The following NTM variants were observed in gnomAD, a reference collection of about 807,000 sequenced individuals.
NTM encodes the protein IgLON family member 2.
Under a neutral mutation model 42.1 loss-of-function variants are expected in NTM, and 13 were observed. The ratio of observed to expected loss-of-function variants is 0.31; its 90% CI spans 0.20 to 0.49. NTM has a LOEUF of 0.49. Ranked by LOEUF, NTM falls within the 20% of genes least tolerant of loss-of-function variation. The pLI is 0.99. For synonymous variants in NTM, 187 were observed against 179.2 expected (o/e 1.04, Z -0.35); for missense variants, 373 against 452.8 (o/e 0.82, Z 1.60).
intron 1 of NTM, among the ~76,000 whole-genome samples, chr11:131,855,787 T>C (rs2046033890): frequency 6.6e-6 from 1 of 152,170 alleles, no homozygotes; most frequent in African/African-American, 2.4e-5. Context: ...CTAGGAGGTC[T>C]TTAAGCTCCC....
chr11:132,158,597 G>T (rs1224364502), intron 3 of NTM, among the ~76,000 whole-genome samples: 6 of 152,162 alleles, frequency 3.9e-5, no homozygotes, highest in Admixed American at 3.9e-4. Context: ...AACAGGGTCT[G>T]GTGCATAGTA....
chr11:131,895,760 G>A (rs2052169163), intron 1 of NTM, among the ~76,000 whole-genome samples: 1 of 152,004 alleles, frequency 6.6e-6, no homozygotes. Context: ...AGAGAGGCAT[G>A]GGAAGCATTG....
At chr11:131,931,723 C>A (rs780870248) in intron 2 of NTM, among the ~76,000 whole-genome samples, 1 of 152,080 alleles carries the variant, frequency 6.6e-6, no homozygotes, top group Non-Finnish European at 1.5e-5. Context: ...CACTGCTGGT[C>A]TAGAAGGCCA....
intron 1 of NTM, among the ~76,000 whole-genome samples, chr11:131,619,712 T>G (rs2062325698): frequency 6.6e-6 from 1 of 152,082 alleles, no homozygotes; most frequent in African/African-American, 2.4e-5. Flanking sequence ...AACATTAGAT[T>G]TTATGAAGAG....
At chr11:131,849,049 C>T (rs142957498) in intron 1 of NTM, among the ~76,000 whole-genome samples, 88 of 152,226 alleles carry the variant, frequency 5.8e-4, no homozygotes, top group African/African-American at 1.9e-3. Flanking sequence ...CTAATAATGA[C>T]GTGAGGCTAA....
chr11:131,589,588 T>G (rs1312427858), intron 1 of NTM, among the ~76,000 whole-genome samples: 1 of 152,182 alleles, frequency 6.6e-6, no homozygotes, highest in Non-Finnish European at 1.5e-5. Flanking sequence ...TAACCCCAAA[T>G]CATTATTTGT....
intron 1 of NTM, among the ~76,000 whole-genome samples, chr11:131,396,019 G>A (rs1565459959): frequency 6.6e-6 from 1 of 152,184 alleles, no homozygotes; most frequent in African/African-American, 2.4e-5. Flanking sequence ...TCCTAGAGGT[G>A]AGGGGGCAGA....
At chr11:131,668,146 C>G (rs755708313) in intron 1 of NTM, among the ~76,000 whole-genome samples, 1 of 152,150 alleles carries the variant, frequency 6.6e-6, no homozygotes, top group Non-Finnish European at 1.5e-5. Flanking sequence ...CAATGGAACA[C>G]GAGCCTGGGC....
chr11:132,092,909 C>G (rs2060533952), intron 2 of NTM, among the ~76,000 whole-genome samples: 1 of 152,186 alleles, frequency 6.6e-6, no homozygotes, highest in Non-Finnish European at 1.5e-5. Flanking sequence ...TTGGATAACT[C>G]AAGCTGCCTG....
At chr11:131,967,055 G>C (rs1283754218) in intron 2 of NTM, among the ~76,000 whole-genome samples, 1 of 152,148 alleles carries the variant, frequency 6.6e-6, no homozygotes, top group Non-Finnish European at 1.5e-5. Context: ...CTATGATGTG[G>C]GCAAAGCAAG....
chr11:132,126,169 A>C (rs1371641907), intron 2 of NTM, among the ~76,000 whole-genome samples: 2 of 152,150 alleles, frequency 1.3e-5, no homozygotes, highest in Admixed American at 1.3e-4. Context: ...TCCTTAGTCC[A>C]TCAATTCTTT....
At chr11:131,379,058 A>T (rs1028882951) in intron 1 of NTM, among the ~76,000 whole-genome samples, 5 of 152,172 alleles carry the variant, frequency 3.3e-5, no homozygotes, top group African/African-American at 1.2e-4. Context: ...CTACTGGCAG[A>T]TTTGTGCCAA....
intron 1 of NTM, among the ~76,000 whole-genome samples, chr11:131,783,088 C>G (rs11222793): frequency 6.6e-6 from 1 of 152,068 alleles, no homozygotes; most frequent in Non-Finnish European, 1.5e-5. Context: ...AAATTCAAAG[C>G]AATCTACAGA....
intron 1 of NTM, among the ~76,000 whole-genome samples, chr11:131,516,806 GTC>G (rs1167962567): frequency 2.6e-5 from 4 of 152,184 alleles, no homozygotes; most frequent in African/African-American, 9.7e-5. Flanking sequence ...TCGTTTCTTT[GTC>G]TCTGTCTCTC....
intron 1 of NTM, among the ~76,000 whole-genome samples, chr11:131,379,121 C>T (rs1942332952): frequency 6.6e-6 from 1 of 152,216 alleles, no homozygotes; most frequent in African/African-American, 2.4e-5. Flanking sequence ...AGTGTTCATA[C>T]TGCTGTGCCA....
chr11:131,536,126 G>C (rs1185254766), intron 1 of NTM: 1 of 152,202 alleles, frequency 6.6e-6, no homozygotes, highest in Non-Finnish European at 1.5e-5. Context: ...ATGGGTACTT[G>C]CACCCCAACA....
chr11:131,814,528 A>C (rs1414758339), intron 1 of NTM, among the ~76,000 whole-genome samples: 1 of 151,630 alleles, frequency 6.6e-6, no homozygotes, highest in East Asian at 1.9e-4. Flanking sequence ...CCTCAACTGT[A>C]CTCCCTGCTT....
chr11:131,408,045 A>C (rs949321844), intron 1 of NTM, among the ~76,000 whole-genome samples: 1 of 152,184 alleles, frequency 6.6e-6, no homozygotes, highest in Non-Finnish European at 1.5e-5. Context: ...TTTAGGTTTA[A>C]GGGGAAGTGT....
At chr11:131,892,998 A>G (rs2051620055) in intron 1 of NTM, among the ~76,000 whole-genome samples, 1 of 152,126 alleles carries the variant, frequency 6.6e-6, no homozygotes, top group Non-Finnish European at 1.5e-5. Flanking sequence ...GTCACTTTGG[A>G]CTTTGAGCTC....
Sources: gnomAD v4.1 joint callset for allele counts (sites outside exome capture counted in the v4.1 genomes callset) on GRCh38, gnomAD v4.1.1 for gene constraint, MANE v1.5 for transcripts, NCBI Gene and HGNC (gene_info 2026-07-23, HGNC 2026-07-21) for gene names.